SORCS2: variants seen among roughly 807,000 people sequenced by gnomAD.
SORCS2 encodes the protein VPS10 domain-containing receptor SorCS2.
In SORCS2, 100 loss-of-function variants were observed where a neutral mutation model predicts 141.6. That is an observed-to-expected ratio of 0.71 (90% CI 0.60 to 0.83). The LOEUF (loss-of-function observed/expected upper bound fraction) is 0.83. Among genes scored for constraint, SORCS2 ranks in the 40% least tolerant of loss-of-function variants. The pLI, the probability that SORCS2 is intolerant of heterozygous loss-of-function variation, is 0.00. For missense variants in SORCS2, 1,646 were observed against 1,560.2 expected, an observed-to-expected ratio of 1.05 and a Z score of -0.93; for synonymous variants, 789 against 676.9, an observed-to-expected ratio of 1.17 and a Z score of -2.57.
At chr4:7,371,977 C>T (rs367852053) in intron 1 of SORCS2, among the ~76,000 whole-genome samples, 2 of 152,130 alleles carry the variant, frequency 1.3e-5, no homozygotes, top group Non-Finnish European at 2.9e-5. Context: ...AGGGAAGATG[C>T]CTATCCTGGC....
chr4:7,301,510 G>C (rs1013829793), intron 1 of SORCS2, among the ~76,000 whole-genome samples: 1 of 152,186 alleles, frequency 6.6e-6, no homozygotes, highest in East Asian at 1.9e-4. Context: ...GCGCTCAGGC[G>C]CTGGGCTGAC....
chr4:7,543,962 A>ATCCATCCG (rs1713023262), intron 3 of SORCS2, among the ~76,000 whole-genome samples: 1 of 132,046 alleles, frequency 7.6e-6, no homozygotes, highest in Non-Finnish European at 1.6e-5. Context: ...CCATCCATCC[A>ATCCATCCG]TCCATCCATC....
At chr4:7,555,608 C>G (rs1459834324) in intron 3 of SORCS2, among the ~76,000 whole-genome samples, 2 of 152,244 alleles carry the variant, frequency 1.3e-5, no homozygotes, top group Non-Finnish European at 2.9e-5. Flanking sequence ...ATAGCCCCTG[C>G]TCTCATTCCC....
At chr4:7,422,189 A>C (rs974456179) in intron 2 of SORCS2, among the ~76,000 whole-genome samples, 1 of 152,138 alleles carries the variant, frequency 6.6e-6, no homozygotes, top group Non-Finnish European at 1.5e-5. Context: ...TGCCTCCGTC[A>C]CCATCCATTC....
chr4:7,198,982 C>G (rs1357454145), intron 1 of SORCS2, among the ~76,000 whole-genome samples: 3 of 152,204 alleles, frequency 2.0e-5, no homozygotes, highest in Non-Finnish European at 4.4e-5. Context: ...TGCCCAGAAC[C>G]CTCCACGTGG....
At chr4:7,671,890 C>T (rs115653943) in intron 8 of SORCS2, among the ~76,000 whole-genome samples, 4,689 of 145,848 alleles carry the variant, frequency 0.032, 122 homozygotes, top group Middle Eastern at 0.057. Flanking sequence ...GAATGATAAA[C>T]ACAAAGAGAT....
At chr4:7,541,931 C>G (rs1385882085) in intron 3 of SORCS2, among the ~76,000 whole-genome samples, 1 of 152,228 alleles carries the variant, frequency 6.6e-6, no homozygotes, top group African/African-American at 2.4e-5. Context: ...CAAGGCAGCT[C>G]ACCAATGAGC....
intron 1 of SORCS2, among the ~76,000 whole-genome samples, chr4:7,336,018 T>C (rs900269741): frequency 5.9e-5 from 9 of 152,200 alleles, no homozygotes; most frequent in African/African-American, 2.2e-4. Context: ...TGGGGGATGA[T>C]GGTAAGGTGA....
chr4:7,245,719 C>G (rs529196117), intron 1 of SORCS2, among the ~76,000 whole-genome samples: 1 of 152,216 alleles, frequency 6.6e-6, no homozygotes, highest in Non-Finnish European at 1.5e-5. Flanking sequence ...GTGGGGCAAG[C>G]GCTTGGTGAG....
chr4:7,348,968 C>G (rs575993534), intron 1 of SORCS2, among the ~76,000 whole-genome samples: 8 of 152,210 alleles, frequency 5.3e-5, no homozygotes, highest in Non-Finnish European at 8.8e-5. Flanking sequence ...GCAGCATTCT[C>G]CTTCGTTATA....
At chr4:7,250,196 C>G (rs981528405) in intron 1 of SORCS2, among the ~76,000 whole-genome samples, 2 of 152,042 alleles carry the variant, frequency 1.3e-5, no homozygotes, top group African/African-American at 2.4e-5. Flanking sequence ...GACCTGAGAT[C>G]GCGCCACTGC....
chr4:7,200,257 C>T (rs1238931368), intron 1 of SORCS2, among the ~76,000 whole-genome samples: 2 of 152,158 alleles, frequency 1.3e-5, no homozygotes, highest in East Asian at 3.9e-4. Context: ...CAGCCGGACC[C>T]AGGGGTGCAC....
intron 2 of SORCS2, among the ~76,000 whole-genome samples, chr4:7,460,980 C>T (rs1019889472): frequency 3.3e-5 from 5 of 152,146 alleles, no homozygotes; most frequent in Non-Finnish European, 7.3e-5. Context: ...CTCTTTCCAT[C>T]ATCCTCGTGC....
At chr4:7,217,060 C>A (rs1019127904) in intron 1 of SORCS2, among the ~76,000 whole-genome samples, 2 of 152,226 alleles carry the variant, frequency 1.3e-5, no homozygotes, top group African/African-American at 4.8e-5. Flanking sequence ...TTGGGTCTGG[C>A]CTCACTTCTT....
intron 4 of SORCS2, among the ~76,000 whole-genome samples, chr4:7,638,802 C>A (rs1720441965): frequency 6.6e-6 from 1 of 152,220 alleles, no homozygotes; most frequent in Non-Finnish European, 1.5e-5. Context: ...CACTCGCCAT[C>A]CCTTTCTGCA....
intron 1 of SORCS2, among the ~76,000 whole-genome samples, chr4:7,231,241 T>A (rs980472457): frequency 2.0e-5 from 3 of 152,214 alleles, no homozygotes; most frequent in African/African-American, 7.2e-5. Flanking sequence ...AGAATTCTCT[T>A]TTAATTGGGG....
chr4:7,724,559 GGATGGTGGTGGT>G (rs1726948713), intron 19 of SORCS2, among the ~76,000 whole-genome samples: 1 of 94,238 alleles, frequency 1.1e-5, no homozygotes, highest in South Asian at 4.8e-4. Flanking sequence ...TGGTGGGAAT[GGATGGTGGTGGT>G]GATGGTGATG....
At chr4:7,281,648 G>A (rs1715890437) in intron 1 of SORCS2, among the ~76,000 whole-genome samples, 1 of 152,188 alleles carries the variant, frequency 6.6e-6, no homozygotes, top group Non-Finnish European at 1.5e-5. Flanking sequence ...AGCCTCCATT[G>A]GGCCGTTTGT....
At position 7,482,941 on chromosome 4, in the gene SORCS2, T is replaced by G. The variant is rs1730743152; in HGVS notation, c.549-48589T>G. Among the ~76,000 whole-genome samples the G allele has an allele frequency of 1.3e-5, 2 of 152,208 alleles. 1 individual carries two copies. The highest frequency in any genetic ancestry group is 4.1e-4 in the South Asian group (2 of 4,830). On this transcript the variant is annotated intron_variant, in intron 2 of 26. Coordinates refer to ENST00000507866, the MANE Select transcript of SORCS2 (RefSeq NM_020777.3). ...CAGAACCTCAGAAAGGGACCTTCTT[T>G]GGAAGTAGGGTCTTTGTGGATGGAA...
Sources: allele counts gnomAD v4.1 joint callset (sites outside exome capture counted in the v4.1 genomes callset), GRCh38; gene constraint gnomAD v4.1.1; transcripts MANE v1.5; gene names NCBI Gene and HGNC (gene_info 2026-07-23, HGNC 2026-07-21).